Variants in ARL3 observed in about 807,000 individuals in gnomAD.
ARL3 encodes ADP-ribosylation factor-like protein 3.
In ARL3, 9 loss-of-function variants were observed where a neutral mutation model predicts 26.0. That is an observed-to-expected ratio of 0.35 (90% confidence interval 0.21 to 0.60). The LOEUF (loss-of-function observed/expected upper bound fraction) is 0.60. Among genes scored for constraint, ARL3 ranks in the 20% least tolerant of loss-of-function variants. ARL3 has a pLI of 0.78. For synonymous variants in ARL3, 71 were observed against 78.4 expected (o/e 0.91, Z 0.50); for missense variants, 158 against 215.7 (o/e 0.73, Z 1.67).
Position 102,686,011 on chromosome 10 carries a change from G to A in ARL3, c.316-10C>T, listed in dbSNP as rs1210587102. 4 of 1,608,524 alleles carry A rather than the reference G, an allele frequency of 2.5e-6. No individual in the cohort carries two copies. Among genetic ancestry groups the A allele is most frequent in the Non-Finnish European group, 3.4e-6 (4 of 1,176,478 alleles). On this transcript the variant is annotated splice_polypyrimidine_tract_variant and intron_variant, in intron 4 of 5. Coordinates refer to ENST00000260746, the MANE Select transcript of ARL3 (RefSeq NM_004311.4). ...GTAATTCCGCTAGTTCCTGGATTTT[G>A]AGAAGGGAGAGGGAGGGAAGGTTAA... is the stretch of plus-strand genomic sequence containing the variant.
chr10:102,680,369 T>C (rs1415730907), intron 5 of ARL3, among the ~76,000 whole-genome samples: 1 of 152,172 alleles, frequency 6.6e-6, no homozygotes, highest in East Asian at 1.9e-4. Flanking sequence ...CCCTGACCAA[T>C]CTTGCTGAAA....
At chr10:102,712,671 A>C (rs549856534) in intron 1 of ARL3, among the ~76,000 whole-genome samples, 1 of 152,198 alleles carries the variant, frequency 6.6e-6, no homozygotes, top group Admixed American at 6.5e-5. Flanking sequence ...TAATTGATCA[A>C]CAAACTGGGA....
intron 1 of ARL3, among the ~76,000 whole-genome samples, chr10:102,712,709 C>A (rs1249790881): frequency 6.6e-6 from 1 of 152,220 alleles, no homozygotes; most frequent in Non-Finnish European, 1.5e-5. Context: ...ATGCACTTCT[C>A]ATCCATAATG....
Position 102,700,312 on chromosome 10 carries a change from G to A in ARL3, c.148-823C>T, listed in dbSNP as rs187679644. 4.5e-3 allele frequency among the ~76,000 whole-genome samples: 676 copies of A among 149,608 alleles called. 6 individuals carry two copies. Among genetic ancestry groups the A allele is most frequent in the African/African-American group, 0.015 (600 of 40,742 alleles). ...GAGTCCCAGCTACTCAGGATGCCGA[G>A]GCAAGAGAATCACTTGAACCCTGGA... On this transcript the variant is annotated intron_variant, in intron 2 of 5. Coordinates refer to ENST00000260746, the MANE Select transcript of ARL3 (RefSeq NM_004311.4).
intron 2 of ARL3, among the ~76,000 whole-genome samples, chr10:102,704,941 G>A (rs1369877247): frequency 1.3e-5 from 2 of 152,044 alleles, no homozygotes; most frequent in Non-Finnish European, 2.9e-5. Flanking sequence ...GTGTGTCTGC[G>A]TACACATTTT....
In ARL3 at chr10:102,714,253, G is replaced by A. The variant is rs749606210; in HGVS notation, c.3+20C>T. ...GGGATAACCGGCCGGCTCCAAGGGG[G>A]CCCAGGCCCCCACACTCACCATCCT... On this transcript the variant is annotated intron_variant, in intron 1 of 5. Coordinates refer to ENST00000260746, the MANE Select transcript of ARL3 (RefSeq NM_004311.4). The A allele has an allele frequency of 3.0e-6, 4 of 1,313,432 alleles. No homozygotes were observed. Among genetic ancestry groups the A allele is most frequent in the African/African-American group, 1.5e-5 (1 of 66,506 alleles). The allele number at this position is 1,313,432 out of a possible 1,614,324, so 81.4% of individuals were successfully genotyped here. A position where few individuals can be genotyped will look rare whatever the true frequency, so the allele number is the denominator to read the frequency against.
At chr10:102,695,098 C>T (rs2064239844) in intron 3 of ARL3, among the ~76,000 whole-genome samples, 1 of 152,234 alleles carries the variant, frequency 6.6e-6, no homozygotes, top group Non-Finnish European at 1.5e-5. Context: ...CTTTTCAGTA[C>T]TATGTTAGCC....
intron 3 of ARL3, among the ~76,000 whole-genome samples, chr10:102,698,319 C>T (rs374903075): frequency 1.3e-5 from 2 of 152,212 alleles, no homozygotes; most frequent in Admixed American, 6.5e-5. Flanking sequence ...GCGATCCTCC[C>T]ACCTCAGCCA....
Position 102,676,827 on chromosome 10 carries a change from A to G in ARL3, c.*67T>C. On this transcript the variant is annotated 3_prime_UTR_variant, in exon 6 of 6. Coordinates refer to ENST00000260746, the MANE Select transcript of ARL3 (RefSeq NM_004311.4). ...ATGGAAAAACATTTGGTCAGAAAGC[A>G]GCAAATTAGTGTTTTTCAGGACCGA... 6.6e-7 allele frequency: 1 copy of G among 1,517,750 alleles called. No individual in the cohort carries two copies. The highest frequency in any genetic ancestry group is 1.1e-5 in the South Asian group (1 of 88,914). 94.0% of individuals were successfully genotyped at this position (1,517,750 alleles called of 1,614,324 possible).
chr10:102,693,402 T>C (rs373096684), intron 3 of ARL3, among the ~76,000 whole-genome samples: 20 of 152,240 alleles, frequency 1.3e-4, no homozygotes, highest in Non-Finnish European at 2.4e-4. Flanking sequence ...TATTAATATG[T>C]AGTACCATAT....
intron 5 of ARL3, 111 bp downstream of exon 5, chr10:102,685,705 T>C (rs909494641): frequency 2.1e-5 from 25 of 1,197,766 alleles, no homozygotes; most frequent in Non-Finnish European, 2.8e-5. Context: ...CTCCATGCCC[T>C]TCATATCTTG....
At chr10:102,681,335 T>C (rs560932404) in intron 5 of ARL3, among the ~76,000 whole-genome samples, 33 of 145,824 alleles carry the variant, frequency 2.3e-4, no homozygotes, top group Admixed American at 2.1e-3. Context: ...GAGGTTGCAG[T>C]GAGCCAAGGT....
intron 2 of ARL3, among the ~76,000 whole-genome samples, chr10:102,700,983 C>T (rs936535750): frequency 3.3e-5 from 5 of 151,598 alleles, no homozygotes; most frequent in South Asian, 2.1e-4. Flanking sequence ...GTGATCCGCC[C>T]GCCTCAGCCT....
rs2064266224 is a variant in ARL3, at chr10:102,699,412, T to C, written c.225A>G (p.Arg75=). 1 of 1,612,166 alleles carries C rather than the reference T, an allele frequency of 6.2e-7. No individual in the cohort carries two copies. Among genetic ancestry groups the C allele is most frequent in the Non-Finnish European group, 8.5e-7 (1 of 1,178,482 alleles). The change falls in exon 3 of 6, where the codon AGA becomes AGG. Residue 75 remains arginine, a synonymous_variant. Coordinates refer to ENST00000260746, the MANE Select transcript of ARL3 (RefSeq NM_004311.4). ...VWDIGGQRKI[R]PYWKNYFENT... Reference sequence around the variant, plus strand: ...TTTCAAAATAATTCTTCCAGTATGGTCTGATTTTCCTCTGTCCACCAATGT... The same window carrying C: ...TTTCAAAATAATTCTTCCAGTATGGCCTGATTTTCCTCTGTCCACCAATGT...
At chr10:102,704,225 A>C (rs2064296607) in intron 2 of ARL3, among the ~76,000 whole-genome samples, 1 of 150,208 alleles carries the variant, frequency 6.7e-6, no homozygotes, top group African/African-American at 2.4e-5. Context: ...TGTATTTATT[A>C]AGTCTGAAAA....
chr10:102,706,178 A>G (rs527377841), intron 1 of ARL3, among the ~76,000 whole-genome samples: 2 of 152,266 alleles, frequency 1.3e-5, no homozygotes, highest in East Asian at 1.9e-4. Context: ...ATCGCCGGGC[A>G]CGGTGGCTCA....
rs569537443 is a variant in ARL3, at chr10:102,698,198, T to C, written c.264+1175A>G. 2.6e-5 allele frequency among the ~76,000 whole-genome samples: 4 copies of C among 152,058 alleles called. No individual in the cohort carries two copies. In the South Asian group the frequency reaches 6.2e-4, roughly 24 times the overall value. On this transcript the variant is annotated intron_variant, in intron 3 of 5. Coordinates refer to ENST00000260746, the MANE Select transcript of ARL3 (RefSeq NM_004311.4). ...GAAGCTGTTTGAGATGCAAGATGAT[T>C]TCTTTTTTTTTTTCTTGTCTTGAGA...
In ARL3 at chr10:102,700,831, G is replaced by A. The variant is rs1240695913; in HGVS notation, c.148-1342C>T. On this transcript the variant is annotated intron_variant, in intron 2 of 5. Coordinates refer to ENST00000260746, the MANE Select transcript of ARL3 (RefSeq NM_004311.4). ...CGGCTCACCGCAACCTCCACCTCCC[G>A]GATTCAAGCGATTATCCTGCCTCAG... Among the ~76,000 whole-genome samples, 11 of 119,876 alleles carry A rather than the reference G, an allele frequency of 9.2e-5. No individual in the cohort carries two copies. In the South Asian group the frequency reaches 1.2e-3, roughly 13 times the overall value. 78.6% of individuals were successfully genotyped at this position (119,876 alleles called of 152,430 possible).
intron 1 of ARL3, among the ~76,000 whole-genome samples, chr10:102,708,908 A>ATATTTTT: frequency 4.2e-5 from 4 of 95,330 alleles, no homozygotes; most frequent in Admixed American, 2.5e-4. Context: ...ATATATATAT[A>ATATTTTT]TTTTTTTTTT....
Sources: gnomAD v4.1 joint callset for allele counts (sites outside exome capture counted in the v4.1 genomes callset) on GRCh38, gnomAD v4.1.1 for gene constraint, MANE v1.5 for transcripts, NCBI Gene and HGNC (gene_info 2026-07-23, HGNC 2026-07-21) for gene names.